Variants in MARCHF3 observed in about 807,000 individuals in gnomAD.
MARCHF3 encodes membrane associated ring-CH-type finger 3.
A neutral mutation model predicts 24.2 loss-of-function variants in MARCHF3; 13 were observed. That is an observed-to-expected ratio of 0.54 (90% CI 0.35 to 0.85). The LOEUF (loss-of-function observed/expected upper bound fraction) is 0.85, where lower values mean the gene tolerates loss of function less well. MARCHF3 is among the 40% of genes least tolerant of loss of function. The pLI, the probability that MARCHF3 is intolerant of heterozygous loss-of-function variation, is 0.01. For synonymous variants in MARCHF3, 144 were observed against 137.3 expected (o/e 1.05, Z -0.34); for missense variants, 276 against 325.0 (o/e 0.85, Z 1.16).
chr5:126,876,349 A>G (rs932410572), intron 4 of MARCHF3, among the ~76,000 whole-genome samples: 6 of 152,240 alleles, frequency 3.9e-5, no homozygotes, highest in Non-Finnish European at 1.5e-5. Flanking sequence ...GAAAACCTCT[A>G]AACATGGCAA....
intron 1 of MARCHF3, among the ~76,000 whole-genome samples, chr5:127,029,183 A>G (rs1753095294): frequency 6.6e-6 from 1 of 152,186 alleles, no homozygotes; most frequent in Admixed American, 6.5e-5. Flanking sequence ...TCCCCTTCAT[A>G]TATTTACCTC....
chr5:127,028,549 T>C (rs1437959812), intron 1 of MARCHF3, among the ~76,000 whole-genome samples: 1 of 151,372 alleles, frequency 6.6e-6, no homozygotes, highest in Non-Finnish European at 1.5e-5. Context: ...TCTGTTTACT[T>C]CTATTAAGGT....
intron 1 of MARCHF3, among the ~76,000 whole-genome samples, chr5:126,975,063 TCTC>T (rs1561454863): frequency 6.6e-6 from 1 of 152,242 alleles, no homozygotes; most frequent in Non-Finnish European, 1.5e-5. Flanking sequence ...TTCAAGTGAT[TCTC>T]CTGCCTCAGC....
chr5:126,930,415 C>T (rs1749443325), intron 1 of MARCHF3, among the ~76,000 whole-genome samples: 1 of 152,238 alleles, frequency 6.6e-6, no homozygotes, highest in Admixed American at 6.5e-5. Context: ...TCACTTGGTG[C>T]CACTTGCCCC....
At position 126,965,918 on chromosome 5, in the gene MARCHF3, C is replaced by T. The variant is rs1046029367; in HGVS notation, c.-56-47691G>A. ...AGCTTATGTGCATAAGAAAGACTTT[C>T]GCATTTTTATTCATGCAAACAGAAA... On this transcript the variant is annotated intron_variant, in intron 1 of 4. Transcript: ENST00000308660. Among the ~76,000 whole-genome samples, 6 of 152,274 alleles carry T rather than the reference C, an allele frequency of 3.9e-5. No individual in the cohort carries two copies. In the East Asian group the frequency reaches 5.8e-4, roughly 15 times the overall value.
At chr5:126,989,316 C>CTAG (rs1296507493) in intron 1 of MARCHF3, among the ~76,000 whole-genome samples, 5 of 143,408 alleles carry the variant, frequency 3.5e-5, no homozygotes, top group Non-Finnish European at 7.4e-5. Flanking sequence ...AGTACTACTA[C>CTAG]TACTACTACT....
intron 1 of MARCHF3, among the ~76,000 whole-genome samples, chr5:127,016,218 A>G (rs965477739): frequency 2.0e-5 from 3 of 152,312 alleles, no homozygotes; most frequent in East Asian, 3.9e-4. Context: ...TGTGGGACTT[A>G]GAACACATTC....
At chr5:126,873,723 CTTA>C in intron 4 of MARCHF3, among the ~76,000 whole-genome samples, 1 of 152,358 alleles carries the variant, frequency 6.6e-6, no homozygotes, top group South Asian at 2.1e-4. Context: ...CAGATGAGAT[CTTA>C]TTATACATTA....
At chr5:126,989,190 G>C (rs1751660911) in intron 1 of MARCHF3, among the ~76,000 whole-genome samples, 1 of 151,984 alleles carries the variant, frequency 6.6e-6, no homozygotes, top group Non-Finnish European at 1.5e-5. Context: ...GAGGTGGGAG[G>C]ATTGCTTGAG....
At chr5:126,889,254 C>T (rs778302537) in intron 3 of MARCHF3, among the ~76,000 whole-genome samples, 2 of 152,096 alleles carry the variant, frequency 1.3e-5, no homozygotes, top group Non-Finnish European at 2.9e-5. Context: ...ATGGGATACA[C>T]TGTACCAGGA....
chr5:126,990,782 C>G (rs1239048770), intron 1 of MARCHF3, among the ~76,000 whole-genome samples: 4 of 152,182 alleles, frequency 2.6e-5, no homozygotes, highest in African/African-American at 9.7e-5. Flanking sequence ...ATGCAGCCAA[C>G]AGACACATGA....
At chr5:126,903,067 G>C (rs1316297324) in intron 3 of MARCHF3, among the ~76,000 whole-genome samples, 1 of 152,098 alleles carries the variant, frequency 6.6e-6, no homozygotes, top group African/African-American at 2.4e-5. Context: ...AGTCATTTCA[G>C]CTCACTTATA....
At chr5:126,885,483 C>G (rs1753483341) in intron 3 of MARCHF3, among the ~76,000 whole-genome samples, 1 of 152,086 alleles carries the variant, frequency 6.6e-6, no homozygotes. Flanking sequence ...AGGAGAATCG[C>G]TTGAACCCAG....
At chr5:126,916,926 C>T (rs1748879009) in intron 2 of MARCHF3, among the ~76,000 whole-genome samples, 1 of 152,174 alleles carries the variant, frequency 6.6e-6, no homozygotes, top group South Asian at 2.1e-4. Flanking sequence ...TCAGAAATTA[C>T]ATATTAAAGG....
intron 3 of MARCHF3, among the ~76,000 whole-genome samples, chr5:126,894,025 A>G (rs1212078467): frequency 3.7e-5 from 5 of 136,560 alleles, no homozygotes; most frequent in Non-Finnish European, 7.7e-5. Flanking sequence ...TGTTGAATTG[A>G]TCCCTTTACC....
At chr5:126,969,130 C>G (rs765008310) in intron 1 of MARCHF3, among the ~76,000 whole-genome samples, 1 of 152,184 alleles carries the variant, frequency 6.6e-6, no homozygotes, top group South Asian at 2.1e-4. Context: ...TTAGCTCTTA[C>G]AATTAGTTCT....
At chr5:126,914,800 A>ACACACACACACACACACAC (rs1293906695) in intron 3 of MARCHF3, 130 bp downstream of exon 3, 1 of 779,716 alleles carries the variant, frequency 1.3e-6, no homozygotes, top group Non-Finnish European at 2.1e-6. Flanking sequence ...ACACACACAC[A>ACACACACACACACACACAC]CACACACACA....
chr5:126,997,312 T>C (rs934464715), intron 1 of MARCHF3, among the ~76,000 whole-genome samples: 4 of 152,146 alleles, frequency 2.6e-5, no homozygotes, highest in African/African-American at 9.7e-5. Context: ...GAAAGCCAGG[T>C]AGTCAGAGAA....
At chr5:126,985,627 C>A (rs897276922) in intron 1 of MARCHF3, among the ~76,000 whole-genome samples, 9 of 151,268 alleles carry the variant, frequency 5.9e-5, no homozygotes, top group Non-Finnish European at 1.3e-4. Context: ...CGCCACCACG[C>A]CTGGCTAATT....
Sources: allele counts gnomAD v4.1 joint callset (sites outside exome capture counted in the v4.1 genomes callset), GRCh38; gene constraint gnomAD v4.1.1; transcripts MANE v1.5; gene names NCBI Gene and HGNC (gene_info 2026-07-23, HGNC 2026-07-21).